SLC10A7: variants seen among roughly 807,000 people sequenced by gnomAD.
SLC10A7 encodes the protein solute carrier family 10 member 7.
In SLC10A7, 29 loss-of-function variants were observed where a neutral mutation model predicts 43.2. The ratio of observed to expected loss-of-function variants is 0.67; its 90% CI spans 0.50 to 0.92. SLC10A7 has a LOEUF of 0.92. Among genes scored for constraint, SLC10A7 ranks in the 40% least tolerant of loss-of-function variants. The pLI, the probability that SLC10A7 is intolerant of heterozygous loss-of-function variation, is 0.00. For missense variants in SLC10A7, 295 were observed against 403.2 expected (o/e 0.73, Z 2.30); for synonymous variants, 152 against 144.8 (o/e 1.05, Z -0.35).
chr4:146,491,447 G>T (rs1449192044), intron 4 of SLC10A7, among the ~76,000 whole-genome samples: 1 of 151,964 alleles, frequency 6.6e-6, no homozygotes, highest in Non-Finnish European at 1.5e-5. Context: ...TCAAGCTGTG[G>T]TCACAAAATC....
At chr4:146,313,864 T>C (rs1275453461) in intron 6 of SLC10A7, among the ~76,000 whole-genome samples, 1 of 152,206 alleles carries the variant, frequency 6.6e-6, no homozygotes, top group African/African-American at 2.4e-5. Context: ...TCTTCCATAT[T>C]CTTGATTCTT....
chr4:146,487,235 C>T (rs1351302245), intron 4 of SLC10A7, among the ~76,000 whole-genome samples: 1 of 152,190 alleles, frequency 6.6e-6, no homozygotes, highest in African/African-American at 2.4e-5. Flanking sequence ...CCAACCAGGA[C>T]CCGTGAGCCT....
intron 5 of SLC10A7, among the ~76,000 whole-genome samples, chr4:146,422,854 T>C (rs1729055872): frequency 6.6e-6 from 1 of 152,100 alleles, no homozygotes; most frequent in African/African-American, 2.4e-5. Context: ...GCCATCTATT[T>C]TGGGAGGTCT....
intron 4 of SLC10A7, among the ~76,000 whole-genome samples, chr4:146,500,602 C>A (rs1008114299): frequency 6.6e-6 from 1 of 152,162 alleles, no homozygotes; most frequent in African/African-American, 2.4e-5. Context: ...TACACACTCT[C>A]TCTTACATCA....
chr4:146,318,258 T>A (rs915929857), intron 6 of SLC10A7, among the ~76,000 whole-genome samples: 3 of 152,086 alleles, frequency 2.0e-5, no homozygotes, highest in African/African-American at 7.2e-5. Flanking sequence ...TCTTCCATTC[T>A]TTCCTCAACC....
At chr4:146,376,537 G>A (rs1358144220) in intron 5 of SLC10A7, among the ~76,000 whole-genome samples, 1 of 152,050 alleles carries the variant, frequency 6.6e-6, no homozygotes, top group Non-Finnish European at 1.5e-5. Flanking sequence ...TCTTAACATT[G>A]AGAAGAGTTC....
chr4:146,330,112 T>C (rs1386433271), intron 5 of SLC10A7, among the ~76,000 whole-genome samples: 2 of 152,056 alleles, frequency 1.3e-5, no homozygotes, highest in Non-Finnish European at 2.9e-5. Context: ...TTTCAGAAAA[T>C]CCATTTACAC....
chr4:146,413,468 T>C (rs544769010), intron 5 of SLC10A7, among the ~76,000 whole-genome samples: 57 of 152,296 alleles, frequency 3.7e-4, no homozygotes, highest in Non-Finnish European at 4.3e-4. Context: ...TCATATTTAA[T>C]CATTTTGTTG....
At chr4:146,481,905 C>A (rs754577911) in intron 4 of SLC10A7, among the ~76,000 whole-genome samples, 1 of 152,146 alleles carries the variant, frequency 6.6e-6, no homozygotes, top group Non-Finnish European at 1.5e-5. Flanking sequence ...AGCTAAGACT[C>A]CAAATTGTAT....
intron 4 of SLC10A7, among the ~76,000 whole-genome samples, chr4:146,488,653 C>A (rs916943253): frequency 3.3e-5 from 5 of 152,182 alleles, no homozygotes; most frequent in Non-Finnish European, 7.3e-5. Flanking sequence ...TCCTTCTAAG[C>A]ATTCGAAGTC....
intron 4 of SLC10A7, among the ~76,000 whole-genome samples, chr4:146,498,958 C>T (rs1736164399): frequency 2.0e-5 from 3 of 152,028 alleles, no homozygotes; most frequent in African/African-American, 7.2e-5. Flanking sequence ...AACAAATTTC[C>T]TCCTACGTTC....
rs1015900474 is a variant in SLC10A7, at chr4:146,432,766, G to A, written c.435+10017C>T. On this transcript the variant is annotated intron_variant, in intron 5 of 11. Transcript: ENST00000335472. ...GAAATTATACCTCAATAAACCGGCCGCGGTGGCTCATGCCTGTAATCCCAG... is the reference window on the plus strand; with the variant it reads ...GAAATTATACCTCAATAAACCGGCCACGGTGGCTCATGCCTGTAATCCCAG... 3.9e-5 allele frequency among the ~76,000 whole-genome samples: 6 copies of A among 152,224 alleles called. No individual in the cohort carries two copies. In the East Asian group the frequency reaches 9.7e-4, roughly 25 times the overall value.
chr4:146,510,527 G>A (rs1455569504), intron 2 of SLC10A7, among the ~76,000 whole-genome samples: 1 of 152,034 alleles, frequency 6.6e-6, no homozygotes, highest in Non-Finnish European at 1.5e-5. Flanking sequence ...CCAAAGTGCT[G>A]GGATTACAGG....
chr4:146,290,093 G>C (rs1237319361), intron 9 of SLC10A7, among the ~76,000 whole-genome samples: 5 of 150,456 alleles, frequency 3.3e-5, no homozygotes, highest in Non-Finnish European at 7.4e-5. Context: ...GGGAGGCCAA[G>C]GTGGGCGGAT....
chr4:146,367,076 C>T (rs1212214644), intron 5 of SLC10A7, among the ~76,000 whole-genome samples: 3 of 151,936 alleles, frequency 2.0e-5, no homozygotes, highest in Non-Finnish European at 4.4e-5. Context: ...CTTCAGCTCA[C>T]AAGTTACTAG....
intron 5 of SLC10A7, among the ~76,000 whole-genome samples, chr4:146,397,932 G>C (rs1035264080): frequency 6.6e-5 from 10 of 152,200 alleles, no homozygotes; most frequent in Admixed American, 6.5e-4. Flanking sequence ...ATTTTGGGCA[G>C]AGACTCTGAG....
chr4:146,412,941 A>G (rs1728298849), intron 5 of SLC10A7, among the ~76,000 whole-genome samples: 1 of 152,098 alleles, frequency 6.6e-6, no homozygotes, highest in South Asian at 2.1e-4. Flanking sequence ...TCCATTTCCA[A>G]TGTCTAGCTT....
At chr4:146,490,300 A>C (rs1398801566) in intron 4 of SLC10A7, among the ~76,000 whole-genome samples, 1 of 152,198 alleles carries the variant, frequency 6.6e-6, no homozygotes, top group East Asian at 1.9e-4. Context: ...GCGCAAATGC[A>C]ATGAGTATTC....
chr4:146,392,196 C>T (rs560353330), intron 5 of SLC10A7, among the ~76,000 whole-genome samples: 138 of 152,200 alleles, frequency 9.1e-4, no homozygotes, highest in African/African-American at 3.2e-3. Context: ...TTCTGAAATT[C>T]GTGAATCTAT....
Sources: gnomAD v4.1 joint callset for allele counts (sites outside exome capture counted in the v4.1 genomes callset) on GRCh38, gnomAD v4.1.1 for gene constraint, MANE v1.5 for transcripts, NCBI Gene and HGNC (gene_info 2026-07-23, HGNC 2026-07-21) for gene names.